The following CCDC102B variants were observed in gnomAD, a reference collection of about 807,000 sequenced individuals.
The protein encoded by CCDC102B is coiled-coil domain containing 102B.
CCDC102B carries 75 observed loss-of-function variants against 57.4 expected under a neutral mutation model. The ratio of observed to expected loss-of-function variants is 1.31; its 90% CI spans 1.08 to 1.58. CCDC102B has a LOEUF of 1.58. Ranked by LOEUF, CCDC102B falls within the 40% of genes most tolerant of loss-of-function variation. CCDC102B has a pLI of 0.00. For synonymous variants in CCDC102B, 206 were observed against 201.9 expected (o/e 1.02, Z -0.17); for missense variants, 636 against 582.6 (o/e 1.09, Z -0.94).
chr18:68,870,976 C>A (rs575360673), intron 4 of CCDC102B, among the ~76,000 whole-genome samples: 1 of 152,100 alleles, frequency 6.6e-6, no homozygotes, highest in African/African-American at 2.4e-5. Context: ...TCTTAGACAT[C>A]GTCTTCAGTT....
At chr18:68,857,263 A>ATT (rs1331739094) in intron 4 of CCDC102B, among the ~76,000 whole-genome samples, 7,667 of 34,804 alleles carry the variant, frequency 0.22, 1,974 homozygotes, top group Non-Finnish European at 0.36. Context: ...ATTTAAATAT[A>ATT]TAAATATATA....
At chr18:69,018,504 A>G (rs1379990667) in intron 7 of CCDC102B, among the ~76,000 whole-genome samples, 1 of 152,094 alleles carries the variant, frequency 6.6e-6, no homozygotes, top group Middle Eastern at 3.2e-3. Context: ...TTGTGATTAC[A>G]GTTTGACTTT....
At chr18:69,021,141 C>A (rs541038763) in intron 7 of CCDC102B, among the ~76,000 whole-genome samples, 2 of 152,112 alleles carry the variant, frequency 1.3e-5, no homozygotes, top group Non-Finnish European at 2.9e-5. Flanking sequence ...ATGTGAGAGA[C>A]GTTTTGTTTA....
At chr18:69,033,833 T>A (rs1056541417) in intron 7 of CCDC102B, among the ~76,000 whole-genome samples, 2 of 152,102 alleles carry the variant, frequency 1.3e-5, no homozygotes. Context: ...AGGATTTCAA[T>A]TTCTTCACAT....
At chr18:68,819,541 AG>A (rs757366177) in intron 1 of CCDC102B, among the ~76,000 whole-genome samples, 1 of 151,602 alleles carries the variant, frequency 6.6e-6, no homozygotes, top group Non-Finnish European at 1.5e-5. Context: ...TTTTAAAAAA[AG>A]TTTGGCTTTC....
intron 6 of CCDC102B, among the ~76,000 whole-genome samples, chr18:68,921,327 A>G (rs892400147): frequency 6.6e-6 from 1 of 152,102 alleles, no homozygotes; most frequent in African/African-American, 2.4e-5. Context: ...TGGTTTTTAA[A>G]AAGAGGAGTT....
chr18:68,868,323 C>T (rs1465447331), intron 4 of CCDC102B, among the ~76,000 whole-genome samples: 1 of 151,702 alleles, frequency 6.6e-6, no homozygotes, highest in East Asian at 1.9e-4. Context: ...GAATACAATA[C>T]ATTTTTTGTT....
At chr18:68,729,320 G>A (rs913875058) in intron 2 of CCDC102B, among the ~76,000 whole-genome samples, 2 of 152,168 alleles carry the variant, frequency 1.3e-5, no homozygotes, top group African/African-American at 4.8e-5. Flanking sequence ...ATTTTAAGAA[G>A]TCTTTTTCAG....
chr18:69,004,925 A>G (rs1263738121), intron 6 of CCDC102B, among the ~76,000 whole-genome samples: 12 of 152,226 alleles, frequency 7.9e-5, no homozygotes, highest in Admixed American at 7.9e-4. Flanking sequence ...ATGCTGATTA[A>G]GACGGATAAA....
intron 2 of CCDC102B, among the ~76,000 whole-genome samples, chr18:68,760,166 G>T (rs1235609335): frequency 6.6e-6 from 1 of 151,928 alleles, no homozygotes; most frequent in Non-Finnish European, 1.5e-5. Flanking sequence ...AGCACAGTTT[G>T]GTTTTAAACT....
chr18:68,956,407 T>TA (rs2049865939), intron 6 of CCDC102B, among the ~76,000 whole-genome samples: 1 of 30,096 alleles, frequency 3.3e-5, no homozygotes, highest in Non-Finnish European at 5.8e-5. Context: ...TAAATATATT[T>TA]TATATATATT....
chr18:68,766,153 A>G lies in CCDC102B; in HGVS notation c.-67+49559A>G, dbSNP rs141252615. ...CTTAAATATCATAATACATGTATCT[A>G]TCTTTCTCTTTTCTTAGAATCATGC... is the stretch of plus-strand genomic sequence containing the variant. On this transcript the variant is annotated intron_variant, in intron 2 of 3. Coordinates refer to the CCDC102B transcript ENST00000578970. Among the ~76,000 whole-genome samples, 918 of 152,276 alleles carry G rather than the reference A, an allele frequency of 6.0e-3. 8 individuals carry two copies. The highest frequency in any genetic ancestry group is 0.021 in the African/African-American group (870 of 41,564).
At chr18:68,841,138 A>G (rs2037611792) in intron 3 of CCDC102B, among the ~76,000 whole-genome samples, 1 of 152,154 alleles carries the variant, frequency 6.6e-6, no homozygotes, top group African/African-American at 2.4e-5. Context: ...AGGATATGCT[A>G]TTACTTATAA....
chr18:68,808,229 G>A (rs2036103450), intron 1 of CCDC102B, among the ~76,000 whole-genome samples: 1 of 151,926 alleles, frequency 6.6e-6, no homozygotes, highest in African/African-American at 2.4e-5. Context: ...GAAAGAATTA[G>A]AACAAAACAT....
In CCDC102B at chr18:68,913,671, AGC is replaced by A. The variant is rs1491004672; in HGVS notation, c.1263+16244_1263+16245del. Among the ~76,000 whole-genome samples the A allele has an allele frequency of 2.1e-3, 312 of 145,392 alleles. 1 individual carries two copies. Among genetic ancestry groups the A allele is most frequent in the Admixed American group, 4.6e-3 (66 of 14,312 alleles). On this transcript the variant is annotated intron_variant, in intron 6 of 7. Transcript: ENST00000360242. Reference sequence around the variant, plus strand: ...CTCGGTCTCAAAAGAAAAAAAAAAAAGCAAAAACAAAGACAAAACTAACCAAA... The same window carrying A: ...CTCGGTCTCAAAAGAAAAAAAAAAAAAAAAACAAAGACAAAACTAACCAAA...
At chr18:68,898,077 CA>C (rs1639354969) in intron 6 of CCDC102B, among the ~76,000 whole-genome samples, 1 of 151,990 alleles carries the variant, frequency 6.6e-6, no homozygotes, top group African/African-American at 2.4e-5. Flanking sequence ...TGATAGTTTA[CA>C]GATTTTTAAA....
chr18:68,723,396 C>T (rs1464671369), intron 2 of CCDC102B, among the ~76,000 whole-genome samples: 2 of 152,114 alleles, frequency 1.3e-5, no homozygotes, highest in East Asian at 3.9e-4. Flanking sequence ...CAGCTCATTC[C>T]AGCATTAACC....
intron 2 of CCDC102B, among the ~76,000 whole-genome samples, chr18:68,771,062 C>T (rs1470890207): frequency 2.0e-5 from 3 of 152,238 alleles, no homozygotes; most frequent in Non-Finnish European, 4.4e-5. Flanking sequence ...GACCTTTCAA[C>T]TGAGAAGATA....
At position 68,857,094 on chromosome 18, in the gene CCDC102B, A is replaced by G. The variant is rs1457893928; in HGVS notation, c.936+10673A>G. On this transcript the variant is annotated intron_variant, in intron 4 of 7. Transcript: ENST00000360242. ...ATATTATATATAAATATATTTATAT[A>G]TTTTTATATATTATATATAAATATA... Among the ~76,000 whole-genome samples the G allele has an allele frequency of 2.7e-5, 3 of 109,176 alleles. 1 individual carries two copies. The highest frequency in any genetic ancestry group is 5.2e-5 in the Non-Finnish European group (3 of 58,160). 71.6% of individuals were successfully genotyped at this position (109,176 alleles called of 152,430 possible).
Sources: allele counts gnomAD v4.1 joint callset (sites outside exome capture counted in the v4.1 genomes callset), GRCh38; gene constraint gnomAD v4.1.1; transcripts MANE v1.5; gene names NCBI Gene and HGNC (gene_info 2026-07-23, HGNC 2026-07-21).